AKAP9: variants seen among roughly 807,000 people sequenced by gnomAD.
AKAP9 encodes A-kinase anchoring protein 9.
A neutral mutation model predicts 488.5 loss-of-function variants in AKAP9; 311 were observed. The observed-to-expected ratio is 0.64, with a 90% CI of 0.58 to 0.70. The LOEUF is 0.70. Ranked by LOEUF, AKAP9 falls within the 30% of genes least tolerant of loss-of-function variation. The pLI is 0.00. For missense variants in AKAP9, 4,215 were observed against 4,374.5 expected (o/e 0.96, Z 1.03); for synonymous variants, 1,462 against 1,483.5 (o/e 0.99, Z 0.33).
Position 92,096,730 on chromosome 7 carries a change from T to C in AKAP9, c.9771T>C (p.Leu3257=). 6.2e-7 allele frequency: 1 copy of C among 1,614,146 alleles called. No individual in the cohort carries two copies. The highest frequency in any genetic ancestry group is 8.5e-7 in the Non-Finnish European group (1 of 1,179,996). Residue 3257 remains leucine, a synonymous_variant, in exon 41 of 50, where the codon CTT becomes CTC. Transcript: ENST00000356239. ...TTGAGAGTCAGAAACAAAGGAATCT[T>C]CAGCTAAATCTACTTTTGGAACAAC... ...FSLESQKQRN[L]QLNLLLEQQK... is the part of the protein sequence containing the mutation.
Position 92,102,817 on chromosome 7 carries a change from C to A in AKAP9, c.11321C>A (p.Ala3774Glu). ...RFRSAVRVSI[A>E]ISRMKFLVRR... ...CGGTCGGCCGTCAGAGTATCCATTG[C>A]AATTTCCAGGTAAAGACTTGAAGGA... Residue 3774 changes from alanine to glutamate, a missense_variant, in exon 46 of 50, where the codon GCA (alanine) becomes GAA (glutamate). Around this residue, in one of 5 missense-constraint regions of AKAP9, gnomAD observed 253 missense variants for 266.8 expected, o/e 0.95. Coordinates refer to ENST00000356239, the MANE Select transcript of AKAP9 (RefSeq NM_005751.5). The A allele has an allele frequency of 1.2e-6, 2 of 1,613,872 alleles. No homozygotes were observed. Among genetic ancestry groups the A allele is most frequent in the Non-Finnish European group, 1.7e-6 (2 of 1,179,844 alleles).
chr7:92,056,638 G>T (rs1011457870), intron 22 of AKAP9, among the ~76,000 whole-genome samples: 3 of 151,678 alleles, frequency 2.0e-5, no homozygotes, highest in African/African-American at 7.3e-5. Context: ...CTTGTAAGAG[G>T]CAACTGCCCC....
At chr7:92,034,498 A>ATTTTTTTTTT (rs59961119) in intron 16 of AKAP9, among the ~76,000 whole-genome samples, 1 of 95,456 alleles carries the variant, frequency 1.0e-5, no homozygotes, top group Non-Finnish European at 2.0e-5. Flanking sequence ...ATATATATAT[A>ATTTTTTTTTT]TTTTTTTTTT....
intron 2 of AKAP9, among the ~76,000 whole-genome samples, chr7:91,978,958 A>G (rs1372350816): frequency 1.8e-4 from 15 of 81,452 alleles, no homozygotes; most frequent in African/African-American, 8.2e-4. Flanking sequence ...TTTTTTTTTT[A>G]GTAAAGACGA....
intron 46 of AKAP9, 118 bp from the exon 47 acceptor site, chr7:92,105,560 A>G (rs575078737): frequency 7.2e-5 from 57 of 786,692 alleles, no homozygotes; most frequent in Admixed American, 2.7e-4. Flanking sequence ...TAACTGGGCA[A>G]TTGTGAAATT....
intron 12 of AKAP9, among the ~76,000 whole-genome samples, chr7:92,017,846 G>A (rs1801738771): frequency 6.6e-6 from 1 of 152,012 alleles, no homozygotes; most frequent in Non-Finnish European, 1.5e-5. Flanking sequence ...GTGCAATTAA[G>A]TACAACCTTA....
intron 1 of AKAP9, among the ~76,000 whole-genome samples, chr7:91,963,482 T>TCA (rs56800758): frequency 0.12 from 16,754 of 139,088 alleles, 957 homozygotes; most frequent in Middle Eastern, 0.21. Flanking sequence ...AACATATTTG[T>TCA]CACACACACA....
rs1814940616 is a variant in AKAP9, at chr7:92,088,222, A to G, written c.9214-1163A>G. Among the ~76,000 whole-genome samples the G allele has an allele frequency of 1.3e-5, 2 of 152,204 alleles. 1 individual carries two copies. Among genetic ancestry groups the G allele is most frequent in the South Asian group, 4.1e-4 (2 of 4,832 alleles). Reference sequence around the variant, plus strand: ...ACCAGAAATGGAATAGACATCATACAGTTCCTAATGTGAAGGGCACGATGC... The same window carrying G: ...ACCAGAAATGGAATAGACATCATACGGTTCCTAATGTGAAGGGCACGATGC... On this transcript the variant is annotated intron_variant, in intron 37 of 49. Coordinates refer to ENST00000356239, the MANE Select transcript of AKAP9 (RefSeq NM_005751.5).
intron 1 of AKAP9, among the ~76,000 whole-genome samples, chr7:91,964,466 C>A (rs1364655895): frequency 6.6e-6 from 1 of 152,040 alleles, no homozygotes; most frequent in Non-Finnish European, 1.5e-5. Context: ...CTATCCTGAT[C>A]CAGTATTAAA....
At chr7:92,085,995 C>T (rs1367427112) in intron 36 of AKAP9, among the ~76,000 whole-genome samples, 1 of 152,048 alleles carries the variant, frequency 6.6e-6, no homozygotes. Context: ...CCCAGCTACT[C>T]AGGAGAATCG....
chr7:91,952,687 A>G (rs1792409330), intron 1 of AKAP9, among the ~76,000 whole-genome samples: 1 of 152,216 alleles, frequency 6.6e-6, no homozygotes, highest in Non-Finnish European at 1.5e-5. Context: ...TTGGAGTATA[A>G]AGCTATTAGC....
Position 92,079,780 on chromosome 7 carries a change from A to G in AKAP9, c.7647A>G (p.Glu2549=), listed in dbSNP as rs1299765442. Residue 2549 remains glutamate (E), a synonymous_variant, in exon 31 of 50, where the codon GAA becomes GAG. Transcript: ENST00000356239. ...TAAACCTACAGAAAATAGTTGAAGAAAAAGTGGCTGCTGCTCTTGTCAGTC... is the reference window on the plus strand; with the variant it reads ...TAAACCTACAGAAAATAGTTGAAGAGAAAGTGGCTGCTGCTCTTGTCAGTC... ...KIVNLQKIVE[E]KVAAALVSQI... is the part of the protein sequence containing the mutation. The G allele has an allele frequency of 6.2e-7, 1 of 1,614,124 alleles. No homozygotes were observed. Among genetic ancestry groups the G allele is most frequent in the Admixed American group, 1.7e-5 (1 of 60,032 alleles).
At chr7:92,080,562 C>T (rs971373778) in intron 31 of AKAP9, among the ~76,000 whole-genome samples, 2 of 151,066 alleles carry the variant, frequency 1.3e-5, no homozygotes, top group East Asian at 1.9e-4. Context: ...CGCGCCACTG[C>T]ACACTCCAAC....
chr7:91,950,941 AAAT>A (rs998455253), intron 1 of AKAP9, among the ~76,000 whole-genome samples: 74 of 152,306 alleles, frequency 4.9e-4, no homozygotes, highest in African/African-American at 1.8e-3. Context: ...ATATTTGCCA[AAAT>A]AATATTTAAT....
intron 28 of AKAP9, among the ~76,000 whole-genome samples, chr7:92,075,803 A>G (rs1349939537): frequency 6.6e-6 from 1 of 152,220 alleles, no homozygotes; most frequent in Admixed American, 6.5e-5. Context: ...TGTTTAGGAA[A>G]TACTAAGCTA....
At position 92,038,247 on chromosome 7, in the gene AKAP9, A is replaced by G. The variant is rs528661926; in HGVS notation, c.4339-172A>G. Among the ~76,000 whole-genome samples the G allele has an allele frequency of 2.6e-5, 4 of 152,304 alleles. No homozygotes were observed. The South Asian group carries it at 8.3e-4, about 32-fold the overall frequency. On this transcript the variant is annotated intron_variant, in intron 16 of 49. Transcript: ENST00000356239. ...AAATAAATACTTTGACATTAGATTTATTGTAAAAAGAGAATCCATCTCGGT... is the reference window on the plus strand; with the variant it reads ...AAATAAATACTTTGACATTAGATTTGTTGTAAAAAGAGAATCCATCTCGGT...
chr7:92,109,067 A>T (rs1449010950), intron 49 of AKAP9: 1 of 281,486 alleles, frequency 3.6e-6, no homozygotes, highest in Non-Finnish European at 6.8e-6. Flanking sequence ...AAAAAAAAAG[A>T]AAGTGGTAAG....
intron 42 of AKAP9, 76 bp downstream of exon 42, chr7:92,097,870 G>A (rs773249426): frequency 4.9e-6 from 7 of 1,430,280 alleles, no homozygotes; most frequent in Non-Finnish European, 5.9e-6. Context: ...GGGACAGCTA[G>A]CCAAGGGTGG....
At chr7:91,961,603 G>T (rs1337990219) in intron 1 of AKAP9, among the ~76,000 whole-genome samples, 5 of 151,996 alleles carry the variant, frequency 3.3e-5, no homozygotes, top group Non-Finnish European at 7.4e-5. Context: ...CCAGCACTTT[G>T]GGAGGCCTAG....
Sources: allele counts gnomAD v4.1 joint callset (sites outside exome capture counted in the v4.1 genomes callset), GRCh38; gene constraint gnomAD v4.1.1; regional missense constraint gnomAD v4.1.1; transcripts MANE v1.5; gene names NCBI Gene and HGNC (gene_info 2026-07-23, HGNC 2026-07-21).